Variants in MRTFB observed in about 807,000 individuals in gnomAD.
The protein encoded by MRTFB is myocardin-related transcription factor B.
MRTFB carries 29 observed loss-of-function variants against 104.2 expected under a neutral mutation model. The ratio of observed to expected loss-of-function variants is 0.28; its 90% confidence interval spans 0.21 to 0.38. The LOEUF (loss-of-function observed/expected upper bound fraction) is 0.38. Ranked by LOEUF, MRTFB falls within the 10% of genes least tolerant of loss-of-function variation. The probability of loss-of-function intolerance (pLI) is 1.00; values close to 1 mark genes in which losing one functional copy is unlikely to be tolerated. For missense variants in MRTFB, 1,270 were observed against 1,341.6 expected (o/e 0.95, Z 0.83); for synonymous variants, 535 against 519.5 (o/e 1.03, Z -0.41).
intron 3 of MRTFB, chr16:14,142,245 C>CTTTTTTTTTTTTTT (rs71999049): frequency 1.3e-4 from 16 of 122,174 alleles, no homozygotes; most frequent in East Asian, 1.3e-3. Flanking sequence ...TCTTTTCTTT[C>CTTTTTTTTTTTTTT]TTTTTTTTTT....
chr16:14,243,346 A>G (rs895511139), intron 10 of MRTFB, among the ~76,000 whole-genome samples: 2 of 152,364 alleles, frequency 1.3e-5, no homozygotes, highest in Admixed American at 1.3e-4. Flanking sequence ...CAGGCTTCCC[A>G]GAACTCTTCA....
chr16:14,053,759 G>T, the MRTFB span, among the ~76,000 whole-genome samples: 1 of 151,790 alleles, frequency 6.6e-6, no homozygotes, highest in African/African-American at 2.4e-5. Context: ...AGTTAGGTGT[G>T]GTGGAGGGCA....
chr16:14,187,958 C>G (rs930884998), intron 3 of MRTFB, among the ~76,000 whole-genome samples: 2 of 152,204 alleles, frequency 1.3e-5, no homozygotes, highest in Non-Finnish European at 2.9e-5. Flanking sequence ...CTCCCGCTCG[C>G]TCTTGCCCGT....
the MRTFB span, among the ~76,000 whole-genome samples, chr16:14,040,920 C>T: frequency 6.6e-6 from 1 of 152,000 alleles, no homozygotes; most frequent in African/African-American, 2.4e-5. Context: ...TCGAGACCAG[C>T]CTGGGCAAGA....
At chr16:14,186,634 A>C in intron 3 of MRTFB, 2 of 1,144,526 alleles carry the variant, frequency 1.7e-6, no homozygotes, top group East Asian at 5.0e-5. Flanking sequence ...CTGGCTGGGA[A>C]AAGGGGTGGG....
chr16:14,132,775 A>G (rs1269011970), intron 2 of MRTFB, among the ~76,000 whole-genome samples: 2 of 152,174 alleles, frequency 1.3e-5, no homozygotes, highest in African/African-American at 4.8e-5. Flanking sequence ...AGCTTTCTGG[A>G]TTACCAACTC....
chr16:14,225,607 A>G (rs1344779675), intron 8 of MRTFB, among the ~76,000 whole-genome samples: 1 of 152,228 alleles, frequency 6.6e-6, no homozygotes, highest in East Asian at 1.9e-4. Context: ...TAGGAACTTA[A>G]AAACAGAAGC....
At chr16:14,036,580 T>C in the MRTFB span, among the ~76,000 whole-genome samples, 1 of 150,584 alleles carries the variant, frequency 6.6e-6, no homozygotes, top group African/African-American at 2.4e-5. Flanking sequence ...TTCCATCATA[T>C]ATATGTTGAA....
chr16:14,076,562 A>T (rs957673425), intron 1 of MRTFB, among the ~76,000 whole-genome samples: 2 of 152,232 alleles, frequency 1.3e-5, no homozygotes, highest in Admixed American at 6.5e-5. Context: ...AGTGATCAAT[A>T]TATGAGTTGT....
intron 3 of MRTFB, among the ~76,000 whole-genome samples, chr16:14,193,390 A>G (rs554491553): frequency 6.6e-6 from 1 of 151,646 alleles, no homozygotes; most frequent in Non-Finnish European, 1.5e-5. Context: ...GCTCTCCCTC[A>G]TCTCTCTTCT....
At chr16:14,000,076 G>T in the MRTFB span, among the ~76,000 whole-genome samples, 2 of 152,310 alleles carry the variant, frequency 1.3e-5, no homozygotes, top group South Asian at 4.1e-4. Flanking sequence ...TCCAGGCTGC[G>T]TTGCCACATT....
Position 14,262,808 on chromosome 16 carries a change from CT to C in MRTFB, c.*1365del, listed in dbSNP as rs2043820601. ...AATGTAAATAACAAAAAACTGAAAT[CT>C]ACCAAAAGAGCATGGAGATTTTTCT... On this transcript the variant is annotated 3_prime_UTR_variant, in exon 17 of 17. Transcript: ENST00000571589. 6.6e-6 allele frequency: 1 copy of C among 152,214 alleles called. No homozygotes were observed. The highest frequency in any genetic ancestry group is 6.5e-5 in the Admixed American group (1 of 15,284). The allele number at this position is 152,214 out of a possible 1,614,324, so 9.4% of individuals were successfully genotyped here. A position where few individuals can be genotyped will look rare whatever the true frequency, so the allele number is the denominator to read the frequency against.
In MRTFB at chr16:14,246,599, G is replaced by A. The variant is rs745664464; in HGVS notation, c.1339G>A (p.Val447Met). 33 of 1,614,122 alleles carry A rather than the reference G, an allele frequency of 2.0e-5. No homozygotes were observed. The South Asian group carries it at 2.1e-4, about 10-fold the overall frequency. Reference sequence around the variant, plus strand: ...CAGCGGCCTTGCTGCTGGGGGCATCGTGGCAGTGTCATCATCAGCCATTGT... The same window carrying A: ...CAGCGGCCTTGCTGCTGGGGGCATCATGGCAGTGTCATCATCAGCCATTGT... ...NSSGLAAGGI[V>M]AVSSSAIVTS... The change falls in exon 12 of 17, where the codon GTG (valine) becomes ATG (methionine). Residue 447 changes from valine to methionine, a missense_variant. Physicochemically the swap from Val to Met is conservative, Grantham distance 21 (BLOSUM62 1). This residue lies in a region of MRTFB where 1,144 missense variants were observed against 1,131.5 expected (regional missense o/e 1.01). Transcript: ENST00000571589.
chr16:14,093,779 A>G (rs2141992029), intron 2 of MRTFB, among the ~76,000 whole-genome samples: 1 of 152,284 alleles, frequency 6.6e-6, no homozygotes, highest in East Asian at 1.9e-4. Flanking sequence ...CTGCATAGTT[A>G]AGTAATTACA....
At chr16:14,241,809 C>T (rs1333625313) in intron 10 of MRTFB, among the ~76,000 whole-genome samples, 1 of 151,984 alleles carries the variant, frequency 6.6e-6, no homozygotes, top group African/African-American at 2.4e-5. Context: ...ATTTTAAGAG[C>T]AGGCAGGCCC....
intron 8 of MRTFB, among the ~76,000 whole-genome samples, chr16:14,223,108 A>C (rs2041813769): frequency 6.6e-6 from 1 of 152,090 alleles, no homozygotes; most frequent in African/African-American, 2.4e-5. Context: ...GAAGTTCAAG[A>C]CCAGCCTGGG....
chr16:14,235,990 G>A (rs939470465), intron 9 of MRTFB, among the ~76,000 whole-genome samples: 1 of 152,124 alleles, frequency 6.6e-6, no homozygotes, highest in Non-Finnish European at 1.5e-5. Flanking sequence ...AGCCAGCCTG[G>A]GCAACATGGC....
At chr16:14,096,763 T>G (rs58399989) in intron 2 of MRTFB, among the ~76,000 whole-genome samples, 8,210 of 152,350 alleles carry the variant, frequency 0.054, 356 homozygotes, top group African/African-American at 0.11. Context: ...AACCTTTAGA[T>G]AATTTACTTA....
chr16:14,002,761 C>T, the MRTFB span, among the ~76,000 whole-genome samples: 2 of 152,052 alleles, frequency 1.3e-5, no homozygotes, highest in African/African-American at 2.4e-5. Context: ...ATGGTAATTA[C>T]GTATGCATTT....
Sources: allele counts gnomAD v4.1 joint callset (sites outside exome capture counted in the v4.1 genomes callset), GRCh38; gene constraint gnomAD v4.1.1; regional missense constraint gnomAD v4.1.1; transcripts MANE v1.5; gene names NCBI Gene and HGNC (gene_info 2026-07-23, HGNC 2026-07-21).